NASP: variants seen among roughly 807,000 people sequenced by gnomAD.
NASP encodes NASP histone chaperone.
In NASP, 24 loss-of-function variants were observed where a neutral mutation model predicts 89.5. The observed-to-expected ratio is 0.27, with a 90% CI of 0.19 to 0.38. The LOEUF is 0.38. Among genes scored for constraint, NASP ranks in the 10% least tolerant of loss-of-function variants. The pLI is 1.00. For synonymous variants in NASP, 306 were observed against 324.7 expected (o/e 0.94, Z 0.62); for missense variants, 848 against 921.4 (o/e 0.92, Z 1.03).
At chr1:45,590,356 A>G (rs1643503754) in intron 1 of NASP, among the ~76,000 whole-genome samples, 2 of 151,970 alleles carry the variant, frequency 1.3e-5, no homozygotes, top group Non-Finnish European at 2.9e-5. Context: ...ATCCTGGCTA[A>G]CACGGTGAAA....
chr1:45,606,372 C>T (rs751816657), intron 4 of NASP, 110 bp from the exon 5 acceptor site: 14 of 680,804 alleles, frequency 2.1e-5, no homozygotes, highest in South Asian at 5.6e-5. Flanking sequence ...GTATTGCCTG[C>T]GCTTGGCTTA....
In NASP at chr1:45,616,669, G is replaced by C. The variant is rs1254083266; in HGVS notation, c.2123G>C (p.Cys708Ser). 6.2e-7 allele frequency: 1 copy of C among 1,613,994 alleles called. No homozygotes were observed. The highest frequency in any genetic ancestry group is 1.3e-5 in the African/African-American group (1 of 74,904). Residue 708 changes from cysteine to serine, a missense_variant, in exon 13 of 15, where the codon TGT becomes TCT. Cys to Ser is a moderately radical substitution (Grantham distance 112, BLOSUM62 -1). This residue lies in a region of NASP where 218 missense variants were observed against 219.6 expected (regional missense o/e 0.99). Transcript: ENST00000350030. ...KPTDGASSSNCVTDISHLVRK... is the reference protein window; with the variant it reads ...KPTDGASSSNSVTDISHLVRK... ...ACAGACGGTGCTTCCTCATCAAATTGTGTGACTGATATTTCCCACCTTGTC... is the reference window on the plus strand; with the variant it reads ...ACAGACGGTGCTTCCTCATCAAATTCTGTGACTGATATTTCCCACCTTGTC...
intron 2 of NASP, among the ~76,000 whole-genome samples, chr1:45,596,834 T>C (rs1028855631): frequency 6.6e-6 from 1 of 151,688 alleles, no homozygotes; most frequent in Non-Finnish European, 1.5e-5. Flanking sequence ...ATACAAAAAT[T>C]AGCGGGGCAT....
chr1:45,591,666 CT>C (rs1369146840), intron 2 of NASP, among the ~76,000 whole-genome samples: 4 of 152,118 alleles, frequency 2.6e-5, no homozygotes, highest in Non-Finnish European at 5.9e-5. Flanking sequence ...CCTCCTCCCC[CT>C]GTAACGTTTC....
intron 1 of NASP, among the ~76,000 whole-genome samples, chr1:45,587,663 T>TAC (rs1258633593): frequency 1.4e-4 from 6 of 43,824 alleles, no homozygotes; most frequent in Admixed American, 4.4e-4. Context: ...AGTTTTTTCA[T>TAC]ATATATATAT....
At chr1:45,599,254 G>A (rs756972171) in intron 2 of NASP, among the ~76,000 whole-genome samples, 1 of 151,912 alleles carries the variant, frequency 6.6e-6, no homozygotes, top group Non-Finnish European at 1.5e-5. Context: ...TTAGCCTTGC[G>A]AGTAACGGGG....
At chr1:45,598,978 C>G (rs144234382) in intron 2 of NASP, among the ~76,000 whole-genome samples, 1 of 152,270 alleles carries the variant, frequency 6.6e-6, no homozygotes, top group East Asian at 1.9e-4. Context: ...TCACCTCTTT[C>G]ATTCAATAAA....
intron 6 of NASP, chr1:45,610,195 T>G (rs1643981358): frequency 6.6e-6 from 1 of 152,046 alleles, no homozygotes; most frequent in Non-Finnish European, 1.5e-5. Flanking sequence ...CGAGTCTCTG[T>G]CTTCCAAAAG....
At chr1:45,616,729 TCTA>T (rs1220352611) in intron 13 of NASP, 26 bp downstream of exon 13, 4 of 1,594,594 alleles carry the variant, frequency 2.5e-6, no homozygotes, top group Non-Finnish European at 3.4e-6. Flanking sequence ...GTGTTTCTTT[TCTA>T]CCGTTTCCTC....
chr1:45,617,062 C>G (rs1443758764), intron 13 of NASP, among the ~76,000 whole-genome samples: 2 of 152,148 alleles, frequency 1.3e-5, no homozygotes, highest in Non-Finnish European at 2.9e-5. Flanking sequence ...CCAGGCTGGT[C>G]TTGAACTGCT....
intron 3 of NASP, among the ~76,000 whole-genome samples, chr1:45,602,668 G>A (rs1225703420): frequency 6.6e-6 from 1 of 151,934 alleles, no homozygotes; most frequent in Non-Finnish European, 1.5e-5. Context: ...TTTTTGTTGA[G>A]ACAGGGTCTC....
At chr1:45,584,478 C>T (rs547761474) in intron 1 of NASP, among the ~76,000 whole-genome samples, 32 of 152,306 alleles carry the variant, frequency 2.1e-4, no homozygotes, top group Non-Finnish European at 4.3e-4. Context: ...CTTCGCCTGC[C>T]CCTCTCCTTC....
At chr1:45,612,297 G>A (rs916632334) in intron 6 of NASP, 1 of 152,196 alleles carries the variant, frequency 6.6e-6, no homozygotes, top group Non-Finnish European at 1.5e-5. Context: ...CATAGTAAGA[G>A]TGTTTGGAGA....
At chr1:45,608,615 CTTG>C (rs1643950815) in intron 6 of NASP, among the ~76,000 whole-genome samples, 1 of 151,918 alleles carries the variant, frequency 6.6e-6, no homozygotes, top group Non-Finnish European at 1.5e-5. Flanking sequence ...CTATCAGTAA[CTTG>C]TTGCAGCATA....
At chr1:45,614,005 A>AT (rs1306461003) in intron 7 of NASP, 91 bp from the exon 8 acceptor site, 1 of 1,017,360 alleles carries the variant, frequency 9.8e-7, no homozygotes, top group Non-Finnish European at 1.5e-6. Flanking sequence ...TTTGAATCGT[A>AT]TATCAACTTT....
intron 6 of NASP, chr1:45,611,564 T>G (rs1296638030): frequency 6.9e-6 from 1 of 145,534 alleles, no homozygotes; most frequent in Non-Finnish European, 1.5e-5. Flanking sequence ...CCTCCTAGGT[T>G]CAAGTGATTG....
chr1:45,585,187 A>G (rs150617019), intron 1 of NASP, among the ~76,000 whole-genome samples: 3 of 152,354 alleles, frequency 2.0e-5, no homozygotes, highest in African/African-American at 7.2e-5. Flanking sequence ...GAGTTCAAGG[A>G]AACAAGTGCT....
At chr1:45,592,299 G>A (rs1643569741) in intron 2 of NASP, among the ~76,000 whole-genome samples, 1 of 151,582 alleles carries the variant, frequency 6.6e-6, no homozygotes, top group South Asian at 2.1e-4. Flanking sequence ...TATATTTTTC[G>A]AAGCGGAGTC....
intron 2 of NASP, among the ~76,000 whole-genome samples, chr1:45,599,715 C>T (rs976389112): frequency 1.3e-5 from 2 of 152,214 alleles, no homozygotes; most frequent in African/African-American, 4.8e-5. Context: ...GCATGAGCCA[C>T]TGCTGCCCGG....
Sources: gnomAD v4.1 joint callset for allele counts (sites outside exome capture counted in the v4.1 genomes callset) on GRCh38, gnomAD v4.1.1 for gene constraint, gnomAD v4.1.1 regional missense constraint, MANE v1.5 for transcripts, NCBI Gene and HGNC (gene_info 2026-07-23, HGNC 2026-07-21) for gene names.